The following EIF4G3 variants were observed in gnomAD, a reference collection of about 807,000 sequenced individuals.
EIF4G3 encodes the protein eukaryotic translation initiation factor 4 gamma 3, also known as eIF-4-gamma 3.
EIF4G3 carries 34 observed loss-of-function variants against 186.4 expected under a neutral mutation model. That is an observed-to-expected ratio of 0.18 (90% CI 0.14 to 0.24). The LOEUF (loss-of-function observed/expected upper bound fraction) is 0.24, where lower values mean the gene tolerates loss of function less well. Ranked by LOEUF, EIF4G3 falls within the 10% of genes least tolerant of loss-of-function variation. The pLI is 1.00. For missense variants in EIF4G3, 1,536 were observed against 1,948.5 expected (o/e 0.79, Z 3.99); for synonymous variants, 673 against 679.5 (o/e 0.99, Z 0.15).
intron 3 of EIF4G3, chr1:21,073,865 G>A (rs1180883297): frequency 1.5e-5 from 4 of 267,312 alleles, no homozygotes; most frequent in African/African-American, 8.8e-5. Flanking sequence ...GGAGTGCAGT[G>A]GTGTGATAAT....
intron 2 of EIF4G3, among the ~76,000 whole-genome samples, chr1:21,093,207 A>C (rs538261712): frequency 7.2e-5 from 11 of 152,378 alleles, no homozygotes; most frequent in Admixed American, 3.3e-4. Context: ...CTCATCTGAC[A>C]AAGGGCTAAT....
In EIF4G3 at chr1:21,057,164, T is replaced by C. The variant is rs188415153; in HGVS notation, c.-195-6170A>G. Among the ~76,000 whole-genome samples the C allele has an allele frequency of 3.3e-5, 5 of 152,290 alleles. No homozygotes were observed. The South Asian group carries it at 6.2e-4, about 19-fold the overall frequency. On this transcript the variant is annotated intron_variant, in intron 3 of 36. Coordinates refer to ENST00000602326, the MANE Select transcript of EIF4G3 (RefSeq NM_001391906.1). ...GACCCAGCCATTCCACTCCTAGGTA[T>C]ACCTCTGGTTGAAAACAATGAAAAC...
chr1:21,041,766 C>A (rs1345066556), intron 4 of EIF4G3, among the ~76,000 whole-genome samples: 1 of 152,128 alleles, frequency 6.6e-6, no homozygotes, highest in African/African-American at 2.4e-5. Flanking sequence ...ACAGAGAACA[C>A]ACACACAAGG....
Position 20,959,246 on chromosome 1 carries a change from C to T in EIF4G3, c.715-9135G>A, listed in dbSNP as rs138630338. ...AGAAGTAAAGCCAAGAAAGTACAGCCAACTGATCTTCAACAAAGCATATAA... is the reference window on the plus strand; with the variant it reads ...AGAAGTAAAGCCAAGAAAGTACAGCTAACTGATCTTCAACAAAGCATATAA... On this transcript the variant is annotated intron_variant, in intron 12 of 36. Transcript: ENST00000602326. Among the ~76,000 whole-genome samples, 786 of 152,018 alleles carry T rather than the reference C, an allele frequency of 5.2e-3. 7 individuals carry two copies. The highest frequency in any genetic ancestry group is 0.018 in the African/African-American group (755 of 41,472).
intron 32 of EIF4G3, among the ~76,000 whole-genome samples, chr1:20,826,481 C>CTTTTTT (rs71014120): frequency 2.0e-4 from 10 of 50,656 alleles, no homozygotes; most frequent in Non-Finnish European, 2.1e-4. Flanking sequence ...GTGAGTCTTT[C>CTTTTTT]TTTTTTTTTT....
At chr1:20,877,932 C>T (rs183277518) in intron 20 of EIF4G3, among the ~76,000 whole-genome samples, 1 of 152,320 alleles carries the variant, frequency 6.6e-6, no homozygotes, top group East Asian at 1.9e-4. Flanking sequence ...CAACCTCAGC[C>T]TCCTGAGTTC....
At chr1:21,002,937 T>G in intron 4 of EIF4G3, 129 bp from the exon 5 acceptor site, 1 of 517,798 alleles carries the variant, frequency 1.9e-6, no homozygotes, top group South Asian at 3.7e-5. Flanking sequence ...TTTTAAAAAT[T>G]TAACTTTATT....
rs190052896 is a variant in EIF4G3 at position 21,147,946 on chromosome 1, A to G, written c.-272+28229T>C. On this transcript the variant is annotated intron_variant, in intron 2 of 36. Transcript: ENST00000602326. ...TACACTGCAGGTAAAGTGAAAATTCATATCTGGTAATATACATCAATTTTC... is the reference window on the plus strand; with the variant it reads ...TACACTGCAGGTAAAGTGAAAATTCGTATCTGGTAATATACATCAATTTTC... Among the ~76,000 whole-genome samples the G allele has an allele frequency of 2.6e-5, 4 of 152,324 alleles. 1 individual carries two copies. The highest frequency in any genetic ancestry group is 6.8e-3 in the Middle Eastern group (2 of 294).
At chr1:21,159,103 T>C (rs1354690728) in intron 2 of EIF4G3, among the ~76,000 whole-genome samples, 3 of 152,076 alleles carry the variant, frequency 2.0e-5, no homozygotes, top group Non-Finnish European at 4.4e-5. Context: ...AAGAACACGA[T>C]TGTCGGGGAA....
chr1:21,161,000 G>C (rs373271356), intron 2 of EIF4G3, among the ~76,000 whole-genome samples: 1 of 151,478 alleles, frequency 6.6e-6, no homozygotes, highest in Non-Finnish European at 1.5e-5. Context: ...GTGAAACCCC[G>C]TCTCTAATAA....
At chr1:21,073,221 A>G (rs1425784686) in intron 3 of EIF4G3, among the ~76,000 whole-genome samples, 1 of 152,232 alleles carries the variant, frequency 6.6e-6, no homozygotes. Flanking sequence ...AGCTCCTTCT[A>G]TACATCAGAT....
At chr1:21,064,863 T>A (rs1163229236) in intron 3 of EIF4G3, 3 of 152,212 alleles carry the variant, frequency 2.0e-5, no homozygotes, top group Non-Finnish European at 4.4e-5. Flanking sequence ...ACTTTTAACA[T>A]CATCTGAGGA....
intron 4 of EIF4G3, among the ~76,000 whole-genome samples, chr1:21,034,109 T>C (rs1473472866): frequency 2.6e-5 from 4 of 151,930 alleles, no homozygotes; most frequent in Admixed American, 1.3e-4. Flanking sequence ...ACAAAGAAAA[T>C]TTTTTTCTGG....
rs566422343 is a variant in EIF4G3 at position 20,936,442 on chromosome 1, C to T, written c.1663+5049G>A. On this transcript the variant is annotated intron_variant, in intron 14 of 36. Coordinates refer to ENST00000602326, the MANE Select transcript of EIF4G3 (RefSeq NM_001391906.1). ...GTCCTGTTTCCATGTTTCCAGAACA[C>T]GTTTCTGTAGAAGCTAAATTATAAG... 1.2e-3 allele frequency among the ~76,000 whole-genome samples: 188 copies of T among 152,202 alleles called. 1 individual carries two copies. Among genetic ancestry groups the T allele is most frequent in the African/African-American group, 4.4e-3 (182 of 41,518 alleles).
chr1:21,130,677 C>A (rs2097136932), intron 2 of EIF4G3, among the ~76,000 whole-genome samples: 3 of 152,104 alleles, frequency 2.0e-5, no homozygotes, highest in Non-Finnish European at 4.4e-5. Flanking sequence ...ATAGAAAAAA[C>A]CACCTTTAGT....
chr1:20,811,263 C>T (rs1183844976), intron 35 of EIF4G3, among the ~76,000 whole-genome samples: 2 of 151,632 alleles, frequency 1.3e-5, no homozygotes, highest in African/African-American at 4.8e-5. Flanking sequence ...CTTTCTTCTT[C>T]TTCTTCTTCT....
intron 4 of EIF4G3, among the ~76,000 whole-genome samples, chr1:21,013,256 C>T (rs938030742): frequency 2.0e-5 from 3 of 151,624 alleles, no homozygotes; most frequent in African/African-American, 7.3e-5. Flanking sequence ...AATGCCCCAT[C>T]GAGAAAAAGC....
intron 2 of EIF4G3, among the ~76,000 whole-genome samples, chr1:21,100,519 T>A (rs2096491248): frequency 6.6e-6 from 1 of 152,052 alleles, no homozygotes; most frequent in Admixed American, 6.6e-5. Flanking sequence ...CAGAAAGAAG[T>A]CATAAACTCA....
intron 12 of EIF4G3, among the ~76,000 whole-genome samples, chr1:20,955,391 C>T (rs2096383102): frequency 6.6e-6 from 1 of 152,038 alleles, no homozygotes; most frequent in African/African-American, 2.4e-5. Flanking sequence ...ACCAACATGC[C>T]CAGCTATTTT....
Sources: allele counts gnomAD v4.1 joint callset (sites outside exome capture counted in the v4.1 genomes callset), GRCh38; gene constraint gnomAD v4.1.1; transcripts MANE v1.5; gene names NCBI Gene and HGNC (gene_info 2026-07-23, HGNC 2026-07-21).